The following GPC5 variants were observed in gnomAD, a reference collection of about 807,000 sequenced individuals.
The protein encoded by GPC5 is glypican-5.
GPC5 carries 47 observed loss-of-function variants against 53.9 expected under a neutral mutation model. The ratio of observed to expected loss-of-function variants is 0.87; its 90% CI spans 0.69 to 1.11. GPC5 has a LOEUF of 1.11. GPC5 is among the 50% of genes most tolerant of loss of function. GPC5 has a pLI of 0.00. For synonymous variants in GPC5, 286 were observed against 263.3 expected, an observed-to-expected ratio of 1.09 and a Z score of -0.84; for missense variants, 748 against 713.1, an observed-to-expected ratio of 1.05 and a Z score of -0.56.
chr13:91,565,675 G>A (rs1039859476), intron 2 of GPC5, among the ~76,000 whole-genome samples: 5 of 152,182 alleles, frequency 3.3e-5, no homozygotes, highest in South Asian at 2.1e-4. Context: ...AAATGTAACC[G>A]ACTATTAGTT....
At chr13:92,309,924 TC>T (rs1303241525) in intron 7 of GPC5, among the ~76,000 whole-genome samples, 1 of 152,106 alleles carries the variant, frequency 6.6e-6, no homozygotes, top group Non-Finnish European at 1.5e-5. Flanking sequence ...CTACTTTTTA[TC>T]CCCTGGCAGT....
In GPC5 at chr13:92,611,107, AT is replaced by A. The variant is rs1884421154; in HGVS notation, c.1562-255171del. Among the ~76,000 whole-genome samples, 3 of 152,240 alleles carry A rather than the reference AT, an allele frequency of 2.0e-5. No individual in the cohort carries two copies. The South Asian group carries it at 6.2e-4, about 32-fold the overall frequency. On this transcript the variant is annotated intron_variant, in intron 7 of 7. Coordinates refer to ENST00000377067, the MANE Select transcript of GPC5 (RefSeq NM_004466.6). ...AAGAGATATGAGGATATCTAAAATAATTTTATGACCATAATAAAATCACATT... is the reference window on the plus strand; with the variant it reads ...AAGAGATATGAGGATATCTAAAATAATTTATGACCATAATAAAATCACATT...
chr13:92,194,497 A>G (rs1008082684), intron 7 of GPC5, among the ~76,000 whole-genome samples: 5 of 152,352 alleles, frequency 3.3e-5, no homozygotes, highest in East Asian at 1.9e-4. Context: ...CAGAGATGCC[A>G]TGATTATAAG....
In GPC5 at chr13:91,424,857, G is replaced by A. The variant is rs989452589; in HGVS notation, c.164-23904G>A. Among the ~76,000 whole-genome samples, 4 of 152,244 alleles carry A rather than the reference G, an allele frequency of 2.6e-5. No individual in the cohort carries two copies. The East Asian group carries it at 7.7e-4, about 29-fold the overall frequency. On this transcript the variant is annotated intron_variant, in intron 1 of 7. Transcript: ENST00000377067. The stretch of plus-strand genomic sequence containing the variant: ...AGAGCAGGAACATAATCTACTTGCT[G>A]GAATTCAGGTAAGAGAGTAAGTCAG...
chr13:91,846,568 G>GAAGT (rs1196627165), intron 5 of GPC5, among the ~76,000 whole-genome samples: 3 of 151,998 alleles, frequency 2.0e-5, no homozygotes, highest in African/African-American at 7.3e-5. Flanking sequence ...TTCACCGAGA[G>GAAGT]AAGTAAGTAC....
chr13:92,146,975 A>G (rs2041871804), intron 7 of GPC5, among the ~76,000 whole-genome samples: 1 of 152,084 alleles, frequency 6.6e-6, no homozygotes, highest in African/African-American at 2.4e-5. Flanking sequence ...AAAGTGGAAT[A>G]ACTCTTAGGG....
At chr13:91,920,936 T>C (rs1037512815) in intron 6 of GPC5, among the ~76,000 whole-genome samples, 14 of 128,688 alleles carry the variant, frequency 1.1e-4, no homozygotes, top group African/African-American at 4.1e-4. Context: ...CTTTTTTTTT[T>C]TTTTTTTTTT....
At chr13:92,823,291 G>A (rs558155685) in intron 7 of GPC5, among the ~76,000 whole-genome samples, 10 of 152,200 alleles carry the variant, frequency 6.6e-5, no homozygotes, top group African/African-American at 2.4e-4. Flanking sequence ...GTCAGTTCCT[G>A]TGTAATATTT....
At chr13:91,690,469 G>A (rs1315017286) in intron 2 of GPC5, among the ~76,000 whole-genome samples, 2 of 151,858 alleles carry the variant, frequency 1.3e-5, no homozygotes, top group South Asian at 2.1e-4. Flanking sequence ...AATACACAGT[G>A]GCCTTAAAAG....
chr13:92,010,012 CAA>C lies in GPC5; in HGVS notation c.1401+101957_1401+101958del, dbSNP rs751100117. 1.1e-4 allele frequency among the ~76,000 whole-genome samples: 16 copies of C among 152,166 alleles called. No individual in the cohort carries two copies. The East Asian group carries it at 3.1e-3, about 29-fold the overall frequency. On this transcript the variant is annotated intron_variant, in intron 6 of 7. Coordinates refer to ENST00000377067, the MANE Select transcript of GPC5 (RefSeq NM_004466.6). ...ATAGAGTACTTTGTATAGATATAAA[CAA>C]AGGAAATAATATAAAATGATAAATG...
chr13:91,922,761 C>T (rs780448424), intron 6 of GPC5, among the ~76,000 whole-genome samples: 1 of 152,156 alleles, frequency 6.6e-6, no homozygotes, highest in East Asian at 1.9e-4. Context: ...ATTTTCTGTA[C>T]CCAGGTATCT....
At chr13:92,599,277 ATATT>A (rs1314021053) in intron 7 of GPC5, among the ~76,000 whole-genome samples, 1 of 152,300 alleles carries the variant, frequency 6.6e-6, no homozygotes, top group Admixed American at 6.5e-5. Flanking sequence ...CACCTGAACT[ATATT>A]TAGGGAACCA....
At chr13:92,170,559 G>T (rs2042063327) in intron 7 of GPC5, among the ~76,000 whole-genome samples, 1 of 150,730 alleles carries the variant, frequency 6.6e-6, no homozygotes, top group South Asian at 2.1e-4. Flanking sequence ...CTGAGTGGCT[G>T]GGATTCTAGG....
intron 5 of GPC5, among the ~76,000 whole-genome samples, chr13:91,808,286 A>G (rs746118370): frequency 1.2e-4 from 18 of 152,258 alleles, no homozygotes; most frequent in Non-Finnish European, 1.9e-4. Flanking sequence ...CCCAAATACC[A>G]TATGAAAGAC....
rs144583958 is a variant in GPC5, at chr13:92,323,413, G to A, written c.1561+178424G>A. The stretch of plus-strand genomic sequence containing the variant: ...TGTACATGTTGTATATGTATTTTTC[G>A]TAAAATATGGGGAAAAAATACCTAT... On this transcript the variant is annotated intron_variant, in intron 7 of 7. Coordinates refer to ENST00000377067, the MANE Select transcript of GPC5 (RefSeq NM_004466.6). Among the ~76,000 whole-genome samples the A allele has an allele frequency of 5.5e-3, 819 of 149,766 alleles. 3 individuals carry two copies. The highest frequency in any genetic ancestry group is 9.0e-3 in the Non-Finnish European group (607 of 67,458).
intron 5 of GPC5, among the ~76,000 whole-genome samples, chr13:91,775,146 C>T (rs1314056377): frequency 2.0e-5 from 3 of 152,146 alleles, no homozygotes; most frequent in Admixed American, 6.5e-5. Flanking sequence ...GCAAAGGAGT[C>T]ATCATGAGAG....
intron 6 of GPC5, among the ~76,000 whole-genome samples, chr13:92,142,991 TATATA>T (rs2138981366): frequency 6.6e-6 from 1 of 152,298 alleles, no homozygotes; most frequent in African/African-American, 2.4e-5. Context: ...TGTACTAGAA[TATATA>T]ATAGAATAGA....
At chr13:91,668,846 A>G (rs996338264) in intron 2 of GPC5, among the ~76,000 whole-genome samples, 3 of 152,216 alleles carry the variant, frequency 2.0e-5, no homozygotes, top group African/African-American at 7.2e-5. Context: ...TCATTGTTCT[A>G]TATCTTTGTA....
At chr13:92,089,069 T>A (rs2041357513) in intron 6 of GPC5, among the ~76,000 whole-genome samples, 1 of 152,168 alleles carries the variant, frequency 6.6e-6, no homozygotes, top group Admixed American at 6.6e-5. Context: ...AGTACGAAAT[T>A]AAAGTTCCTA....
Sources: allele counts gnomAD v4.1 joint callset (sites outside exome capture counted in the v4.1 genomes callset), GRCh38; gene constraint gnomAD v4.1.1; transcripts MANE v1.5; gene names NCBI Gene and HGNC (gene_info 2026-07-23, HGNC 2026-07-21).